ARID1B: variants seen among roughly 807,000 people sequenced by gnomAD.
ARID1B encodes AT-rich interactive domain-containing protein 1B.
In ARID1B, 30 loss-of-function variants were observed where a neutral mutation model predicts 212.3. That is an observed-to-expected ratio of 0.14 (90% CI 0.11 to 0.19). ARID1B has a LOEUF of 0.19. ARID1B is among the 10% of genes least tolerant of loss of function. The pLI is 1.00. For synonymous variants in ARID1B, 1,402 were observed against 1,301.7 expected, an observed-to-expected ratio of 1.08 and a Z score of -1.66; for missense variants, 2,891 against 3,204.0, an observed-to-expected ratio of 0.90 and a Z score of 2.36.
At chr6:156,875,323 G>C (rs773557426) in intron 2 of ARID1B, among the ~76,000 whole-genome samples, 1 of 152,210 alleles carries the variant, frequency 6.6e-6, no homozygotes, top group African/African-American at 2.4e-5. Flanking sequence ...TCACTCATTT[G>C]AGTACCATAA....
intron 4 of ARID1B, among the ~76,000 whole-genome samples, chr6:156,979,547 T>C (rs1295424312): frequency 6.7e-6 from 1 of 150,022 alleles, no homozygotes; most frequent in Non-Finnish European, 1.5e-5. Context: ...CATGAATTAT[T>C]TGAATCAGCT....
At chr6:157,011,404 CAGT>C (rs1779599115) in intron 4 of ARID1B, among the ~76,000 whole-genome samples, 1 of 152,116 alleles carries the variant, frequency 6.6e-6, no homozygotes, top group South Asian at 2.1e-4. Flanking sequence ...AATTATGTAG[CAGT>C]TATGCCTTGA....
intron 7 of ARID1B, among the ~76,000 whole-genome samples, chr6:157,145,258 T>C (rs1184963362): frequency 2.0e-5 from 3 of 152,322 alleles, no homozygotes; most frequent in Admixed American, 1.3e-4. Flanking sequence ...AGTCCACAGA[T>C]TGTGGCCCGC....
intron 8 of ARID1B, among the ~76,000 whole-genome samples, chr6:157,153,782 C>G (rs189665975): frequency 6.6e-6 from 1 of 152,244 alleles, no homozygotes; most frequent in Admixed American, 6.5e-5. Flanking sequence ...ACTACAGGCA[C>G]GTGCCACCAT....
At chr6:157,118,633 A>C (rs1787498361) in intron 6 of ARID1B, among the ~76,000 whole-genome samples, 1 of 152,220 alleles carries the variant, frequency 6.6e-6, no homozygotes, top group Non-Finnish European at 1.5e-5. Context: ...CAGCCTCAGA[A>C]CTCTGCCTCT....
intron 2 of ARID1B, among the ~76,000 whole-genome samples, chr6:156,869,039 AT>A (rs916146289): frequency 7.2e-5 from 11 of 152,186 alleles, no homozygotes; most frequent in African/African-American, 2.4e-4. Flanking sequence ...TTAAAAAAAA[AT>A]GAATTTGTTT....
intron 1 of ARID1B, among the ~76,000 whole-genome samples, chr6:156,783,915 T>G (rs781631305): frequency 1.2e-4 from 18 of 152,116 alleles, no homozygotes; most frequent in Non-Finnish European, 2.2e-4. Context: ...TGTTTTGGAG[T>G]GTATGTGTAG....
intron 2 of ARID1B, among the ~76,000 whole-genome samples, chr6:156,847,747 G>T (rs1381227215): frequency 6.6e-6 from 1 of 152,152 alleles, no homozygotes; most frequent in East Asian, 1.9e-4. Context: ...GCCTTTAGGA[G>T]AGAAAAAGAG....
intron 1 of ARID1B, among the ~76,000 whole-genome samples, chr6:156,807,669 C>A (rs572479293): frequency 6.6e-6 from 1 of 152,166 alleles, no homozygotes; most frequent in South Asian, 2.1e-4. Flanking sequence ...ATATAAACAT[C>A]TGTATATAAG....
At chr6:156,822,381 G>A (rs142676620) in intron 1 of ARID1B, among the ~76,000 whole-genome samples, 99 of 152,322 alleles carry the variant, frequency 6.5e-4, no homozygotes, top group African/African-American at 2.0e-3. Context: ...TCTGATGATC[G>A]TGTATAGACA....
rs1229406006 is a variant in ARID1B, at chr6:156,778,838, G to A, written c.1158G>A (p.Arg386=). Residue 386 remains arginine (R), a synonymous_variant, in exon 1 of 20, where the codon CGG becomes CGA. Transcript: ENST00000636930. ...GCAACCATTATCCGGGCTACAGCCG[G>A]CCCGGCGCGGGCGGCGGCGGCGGCG... ...SQCNHYPGYS[R]PGAGGGGGGG... 1 of 1,423,278 alleles carries A rather than the reference G, an allele frequency of 7.0e-7. No homozygotes were observed. The highest frequency in any genetic ancestry group is 1.5e-5 in the South Asian group (1 of 66,674). The allele number at this position is 1,423,278 out of a possible 1,614,324, so 88.2% of individuals were successfully genotyped here.
At chr6:157,046,549 A>G (rs1003853590) in intron 4 of ARID1B, among the ~76,000 whole-genome samples, 15 of 152,304 alleles carry the variant, frequency 9.8e-5, no homozygotes, top group Admixed American at 9.8e-4. Context: ...CAGGTCCTTA[A>G]TGCTAACAGG....
chr6:156,829,324 G>A lies in ARID1B; in HGVS notation c.1889G>A (p.Gly630Glu), dbSNP rs1374641072. 1.9e-6 allele frequency: 3 copies of A among 1,614,222 alleles called. No individual in the cohort carries two copies. Among genetic ancestry groups the A allele is most frequent in the Non-Finnish European group, 2.5e-6 (3 of 1,180,034 alleles). The change falls in exon 2 of 20, where the codon GGA becomes GAA. Residue 630 changes from glycine (G) to glutamate (E), a missense_variant. Around this residue, in one of 7 missense-constraint regions of ARID1B, gnomAD observed 1,643 missense variants for 1,544.0 expected, o/e 1.06. Coordinates refer to ENST00000636930, the MANE Select transcript of ARID1B (RefSeq NM_001374828.1). ...CCTCAGCAGAGCAGTCCGTACCCAG[G>A]AGGTTCCTATGGCCCTCCAGGCCCA... ...SQPQQSSPYPGGSYGPPGPQR... is the reference protein window; with the variant it reads ...SQPQQSSPYPEGSYGPPGPQR...
chr6:157,109,393 C>T (rs1237846860), intron 5 of ARID1B, among the ~76,000 whole-genome samples: 1 of 152,096 alleles, frequency 6.6e-6, no homozygotes, highest in Admixed American at 6.5e-5. Flanking sequence ...CCAGGACCAC[C>T]GCCCCAGAGG....
chr6:157,152,343 T>G (rs1790256943), intron 8 of ARID1B: 1 of 152,218 alleles, frequency 6.6e-6, no homozygotes, highest in Non-Finnish European at 1.5e-5. Context: ...CAAATCTGTA[T>G]TTCAGCCAGC....
upstream of ARID1B, chr6:156,777,157 C>G (rs1274404383): frequency 6.6e-6 from 1 of 152,122 alleles, no homozygotes; most frequent in Non-Finnish European, 1.5e-5. Context: ...GGGGAAAGTG[C>G]AGGTTCCGGC....
At chr6:156,934,346 G>C (rs550248104) in intron 3 of ARID1B, among the ~76,000 whole-genome samples, 1 of 152,138 alleles carries the variant, frequency 6.6e-6, no homozygotes, top group South Asian at 2.1e-4. Context: ...AGTAAATGTG[G>C]TGTGGTGTGG....
At position 156,864,053 on chromosome 6, in the gene ARID1B, CT is replaced by C. The variant is rs556724060; in HGVS notation, c.1986+34640del. 3.2e-3 allele frequency among the ~76,000 whole-genome samples: 491 copies of C among 152,046 alleles called. 2 individuals are homozygous for C. The highest frequency in any genetic ancestry group is 0.011 in the African/African-American group (467 of 41,476). On this transcript the variant is annotated intron_variant, in intron 2 of 19. Transcript: ENST00000636930. ...TATAACAGATGATTTGTTTTGTATC[CT>C]TTTTTTTCTTCAAGTAGAAAATGGA...
intron 2 of ARID1B, among the ~76,000 whole-genome samples, chr6:156,857,861 C>T (rs1785058527): frequency 6.6e-6 from 1 of 152,208 alleles, no homozygotes; most frequent in Non-Finnish European, 1.5e-5. Context: ...TCCTAGGCTG[C>T]AAACCTGTGC....
Sources: allele counts gnomAD v4.1 joint callset (sites outside exome capture counted in the v4.1 genomes callset), GRCh38; gene constraint gnomAD v4.1.1; regional missense constraint gnomAD v4.1.1; transcripts MANE v1.5; gene names NCBI Gene and HGNC (gene_info 2026-07-23, HGNC 2026-07-21).